OPCML: variants seen among roughly 807,000 people sequenced by gnomAD.
OPCML encodes opioid binding protein/cell adhesion molecule like, also known as opioid-binding protein/cell adhesion molecule.
In OPCML, 13 loss-of-function variants were observed where a neutral mutation model predicts 37.8. The observed-to-expected ratio is 0.34, with a 90% CI of 0.22 to 0.55. OPCML has a LOEUF of 0.55. Among genes scored for constraint, OPCML ranks in the 20% least tolerant of loss-of-function variants. OPCML has a pLI of 0.91. For missense variants in OPCML, 341 were observed against 435.6 expected, an observed-to-expected ratio of 0.78 and a Z score of 1.93; for synonymous variants, 176 against 168.8, an observed-to-expected ratio of 1.04 and a Z score of -0.33.
rs57658806 is a variant in OPCML, at chr11:133,204,868, GTATATATA to G, written c.62-261866_62-261859del. 8.9e-3 allele frequency among the ~76,000 whole-genome samples: 1,042 copies of G among 117,276 alleles called. 23 individuals carry two copies. The highest frequency in any genetic ancestry group is 0.024 in the African/African-American group (820 of 33,992). The allele number at this position is 117,276 out of a possible 152,430, so 76.9% of individuals were successfully genotyped here. A position where few individuals can be genotyped will look rare whatever the true frequency, so the allele number is the denominator to read the frequency against. On this transcript the variant is annotated intron_variant, in intron 1 of 7. Coordinates refer to ENST00000524381, the MANE Select transcript of OPCML (RefSeq NM_001012393.5). Reference sequence around the variant, plus strand: ...TGATCTATTATATATATATATATGTGTATATATATATATATATATATATATATATATAT... The same window carrying G: ...TGATCTATTATATATATATATATGTGTATATATATATATATATATATATAT...
intron 1 of OPCML, among the ~76,000 whole-genome samples, chr11:133,489,225 A>C (rs181481018): frequency 2.6e-5 from 4 of 152,136 alleles, no homozygotes; most frequent in Admixed American, 2.6e-4. Context: ...AAATAGATAA[A>C]TGGGACTTAA....
intron 2 of OPCML, among the ~76,000 whole-genome samples, chr11:132,862,550 T>C (rs1352548465): frequency 6.6e-6 from 1 of 151,758 alleles, no homozygotes; most frequent in Non-Finnish European, 1.5e-5. Flanking sequence ...AACTGCTAGT[T>C]GGGATAAATT....
rs538570238 is a variant in OPCML, at chr11:133,007,439, C to T, written c.62-64429G>A. On this transcript the variant is annotated intron_variant, in intron 1 of 7. Coordinates refer to ENST00000524381, the MANE Select transcript of OPCML (RefSeq NM_001012393.5). ...AAGAATGCTGTTACCAGTTTTTTATCTCCAAAATGCACACAAAGCCCTGCT... is the reference window on the plus strand; with the variant it reads ...AAGAATGCTGTTACCAGTTTTTTATTTCCAAAATGCACACAAAGCCCTGCT... The T allele has an allele frequency of 3.0e-6, 3 of 985,410 alleles. No homozygotes were observed. The South Asian group carries it at 1.4e-4, about 46-fold the overall frequency. 61.0% of individuals were successfully genotyped at this position (985,410 alleles called of 1,614,324 possible).
chr11:132,877,720 C>T (rs554535289), intron 2 of OPCML, among the ~76,000 whole-genome samples: 1 of 152,270 alleles, frequency 6.6e-6, no homozygotes. Flanking sequence ...TAGTACTCTA[C>T]CCTATCCTAG....
intron 1 of OPCML, chr11:133,361,140 C>T (rs1944404382): frequency 6.6e-6 from 1 of 152,364 alleles, no homozygotes; most frequent in African/African-American, 2.4e-5. Context: ...CCTCCCACCG[C>T]TTGACCACCA....
At chr11:132,588,382 G>C (rs996523074) in intron 3 of OPCML, among the ~76,000 whole-genome samples, 4 of 152,086 alleles carry the variant, frequency 2.6e-5, no homozygotes, top group Non-Finnish European at 4.4e-5. Flanking sequence ...TGGCTGAGAT[G>C]GGGGGAGTCT....
intron 2 of OPCML, among the ~76,000 whole-genome samples, chr11:132,676,789 GAAAAA>G (rs1196087295): frequency 1.1e-5 from 1 of 93,810 alleles, no homozygotes; most frequent in African/African-American, 3.4e-5. Context: ...AAACAAACAA[GAAAAA>G]AAAAAAAAAA....
intron 1 of OPCML, among the ~76,000 whole-genome samples, chr11:132,982,272 T>A (rs1341496000): frequency 6.6e-6 from 1 of 152,168 alleles, no homozygotes; most frequent in African/African-American, 2.4e-5. Flanking sequence ...CTCTATGAAG[T>A]TCTTCCATTT....
intron 4 of OPCML, among the ~76,000 whole-genome samples, chr11:132,460,931 T>G (rs1429693680): frequency 6.6e-6 from 1 of 152,234 alleles, no homozygotes; most frequent in Non-Finnish European, 1.5e-5. Context: ...CTAGCTCATT[T>G]CATATGATGG....
intron 2 of OPCML, among the ~76,000 whole-genome samples, chr11:132,664,473 G>A (rs1157958513): frequency 1.3e-5 from 2 of 151,946 alleles, no homozygotes; most frequent in East Asian, 3.9e-4. Flanking sequence ...TTTATCATTT[G>A]CCTTTTTCAT....
At chr11:132,837,890 A>G (rs1226817880) in intron 2 of OPCML, among the ~76,000 whole-genome samples, 1 of 152,228 alleles carries the variant, frequency 6.6e-6, no homozygotes, top group Admixed American at 6.5e-5. Flanking sequence ...GGGTCTCTGT[A>G]AACACTCGAT....
At chr11:132,688,013 A>G (rs1490831009) in intron 2 of OPCML, among the ~76,000 whole-genome samples, 1 of 152,168 alleles carries the variant, frequency 6.6e-6, no homozygotes, top group Non-Finnish European at 1.5e-5. Flanking sequence ...GCACTTAATC[A>G]TTCTGGATGT....
chr11:133,046,698 C>T (rs1948024406), intron 1 of OPCML, among the ~76,000 whole-genome samples: 1 of 152,166 alleles, frequency 6.6e-6, no homozygotes, highest in Non-Finnish European at 1.5e-5. Context: ...TTCACTTGTC[C>T]TACCCCCTTG....
intron 1 of OPCML, among the ~76,000 whole-genome samples, chr11:133,046,512 A>G (rs1446598355): frequency 1.3e-5 from 2 of 152,184 alleles, no homozygotes; most frequent in African/African-American, 2.4e-5. Flanking sequence ...CTTCAATGCC[A>G]GGAGCTTTTC....
At chr11:133,361,749 C>G (rs543979962) in intron 1 of OPCML, 2 of 154,152 alleles carry the variant, frequency 1.3e-5, no homozygotes, top group African/African-American at 4.8e-5. Flanking sequence ...GGCCCGCAGC[C>G]GCTCCCAAGG....
intron 2 of OPCML, among the ~76,000 whole-genome samples, chr11:132,701,909 A>G (rs1384528925): frequency 6.6e-6 from 1 of 151,826 alleles, no homozygotes; most frequent in Non-Finnish European, 1.5e-5. Context: ...ATAACCGTCT[A>G]CTTTAAGCTG....
chr11:132,815,463 C>T (rs758080624), intron 2 of OPCML, among the ~76,000 whole-genome samples: 5 of 152,142 alleles, frequency 3.3e-5, no homozygotes, highest in Admixed American at 6.5e-5. Context: ...TCGCTCTTGG[C>T]GTTAAGTTTG....
At chr11:133,531,771 G>GAGAA (rs1555171052) in intron 1 of OPCML, among the ~76,000 whole-genome samples, 5 of 148,964 alleles carry the variant, frequency 3.4e-5, no homozygotes, top group South Asian at 2.1e-4. Context: ...GAGAGAGAGA[G>GAGAA]AAAAGAAACA....
chr11:133,439,357 A>G lies in OPCML; in HGVS notation c.61+92907T>C, dbSNP rs369543392. 5 of 984,950 alleles carry G rather than the reference A, an allele frequency of 5.1e-6. No homozygotes were observed. The African/African-American group carries it at 8.8e-5, about 17-fold the overall frequency. The allele number at this position is 984,950 out of a possible 1,614,324, so 61.0% of individuals were successfully genotyped here. A position where few individuals can be genotyped will look rare whatever the true frequency, so the allele number is the denominator to read the frequency against. ...AATAAAAACAAACAAACCAAACTCC[A>G]CCATGCCACACCTAGATGAGTTTAT... On this transcript the variant is annotated intron_variant, in intron 1 of 7. Coordinates refer to ENST00000524381, the MANE Select transcript of OPCML (RefSeq NM_001012393.5).
Sources: allele counts gnomAD v4.1 joint callset (sites outside exome capture counted in the v4.1 genomes callset), GRCh38; gene constraint gnomAD v4.1.1; transcripts MANE v1.5; gene names NCBI Gene and HGNC (gene_info 2026-07-23, HGNC 2026-07-21).